SATB1: variants seen among roughly 807,000 people sequenced by gnomAD.
SATB1 encodes the protein SATB homeobox 1, also known as DNA-binding protein SATB1.
SATB1 carries 11 observed loss-of-function variants against 86.9 expected under a neutral mutation model. That is an observed-to-expected ratio of 0.13 (90% CI 0.08 to 0.21). The LOEUF (loss-of-function observed/expected upper bound fraction) is 0.21. Among genes scored for constraint, SATB1 ranks in the 10% least tolerant of loss-of-function variants. The probability of loss-of-function intolerance (pLI) is 1.00; values close to 1 mark genes in which losing one functional copy is unlikely to be tolerated. For missense variants in SATB1, 551 were observed against 937.6 expected, an observed-to-expected ratio of 0.59 and a Z score of 5.39; for synonymous variants, 357 against 357.2, an observed-to-expected ratio of 1.00 and a Z score of 0.01.
chr3:18,394,949 C>A lies in SATB1; in HGVS notation c.752-33G>T. 6.8e-7 allele frequency: 1 copy of A among 1,466,972 alleles called. No individual in the cohort carries two copies. Among genetic ancestry groups the A allele is most frequent in the Admixed American group, 2.1e-5 (1 of 48,346 alleles). The allele number at this position is 1,466,972 out of a possible 1,614,324, so 90.9% of individuals were successfully genotyped here. A position where few individuals can be genotyped will look rare whatever the true frequency, so the allele number is the denominator to read the frequency against. Reference sequence around the variant, plus strand: ...GGACAAAGAGTAAAATCACATTCAGCCAACAATGATTGGCATTGATAAAGA... The same window carrying A: ...GGACAAAGAGTAAAATCACATTCAGACAACAATGATTGGCATTGATAAAGA... On this transcript the variant is annotated intron_variant, in intron 6 of 10. Transcript: ENST00000338745. The surrounding 1 kb of genome is among the most constrained non-coding windows in gnomAD (Gnocchi z 5.9).
Position 18,352,142 on chromosome 3 carries a change from T to C in SATB1, c.1629A>G (p.Arg543=). ...TCATGGAGAGGTTCTCCCACAGGGT[T>C]CTGTTTTCTGGAGAAGGATCTTCTT... The part of the protein sequence containing the change: ...RWKEDPSPEN[R]TLWENLSMIR... Residue 543 remains arginine (R), a synonymous_variant, in exon 10 of 11, where the codon AGA becomes AGG. Transcript: ENST00000338745. The surrounding 1 kb of genome is among the most constrained non-coding windows in gnomAD (Gnocchi z 4.1). 2 of 1,614,212 alleles carry C rather than the reference T, an allele frequency of 1.2e-6. No individual in the cohort carries two copies. Among genetic ancestry groups the C allele is most frequent in the Non-Finnish European group, 1.7e-6 (2 of 1,180,036 alleles).
intron 8 of SATB1, among the ~76,000 whole-genome samples, chr3:18,385,206 T>C (rs1215723707): frequency 6.6e-6 from 1 of 152,248 alleles, no homozygotes; most frequent in Admixed American, 6.5e-5. Context: ...AAAATCGAGA[T>C]ACAATTTCAC....
chr3:18,437,459 G>A (rs1334744374), intron 1 of SATB1, among the ~76,000 whole-genome samples: 1 of 152,098 alleles, frequency 6.6e-6, no homozygotes, highest in Non-Finnish European at 1.5e-5. Flanking sequence ...GCAGCCGCTT[G>A]TATGTTAAGA....
At chr3:18,385,241 C>T (rs9756478) in intron 8 of SATB1, among the ~76,000 whole-genome samples, 93,134 of 152,044 alleles carry the variant, frequency 0.61, 29,100 homozygotes, top group East Asian at 0.93. Context: ...ATGAATATTT[C>T]GACTTTTTCT....
At chr3:18,391,419 GCA>G (rs1696665017) in intron 7 of SATB1, among the ~76,000 whole-genome samples, 1 of 151,334 alleles carries the variant, frequency 6.6e-6, no homozygotes, top group Non-Finnish European at 1.5e-5. Flanking sequence ...GGGTACATGT[GCA>G]CATTGTGCAG....
chr3:18,363,082 T>C (rs776736932), intron 9 of SATB1, among the ~76,000 whole-genome samples: 4 of 152,186 alleles, frequency 2.6e-5, no homozygotes, highest in Non-Finnish European at 4.4e-5. Flanking sequence ...CTACACTCCC[T>C]ATTATGCATA....
At position 18,444,467 on chromosome 3, in the gene SATB1, G is replaced by T. The variant is rs542114584; in HGVS notation, c.-25+1051C>A. Reference sequence around the variant, plus strand: ...AAGACCGTTGAAGCCCTGCGCCCACGAGAGGGGAGCCCAGCCGCCCCAATA... The same window carrying T: ...AAGACCGTTGAAGCCCTGCGCCCACTAGAGGGGAGCCCAGCCGCCCCAATA... On this transcript the variant is annotated intron_variant, in intron 1 of 3. Transcript: ENST00000415069. This position sits in a 1 kb window ranked among gnomAD's most constrained non-coding sequence, Gnocchi z 5.1. 4 of 478,124 alleles carry T rather than the reference G, an allele frequency of 8.4e-6. No individual in the cohort carries two copies. Among genetic ancestry groups the T allele is most frequent in the Middle Eastern group, 1.0e-3 (1 of 996 alleles). The allele number at this position is 478,124 out of a possible 1,614,324, so 29.6% of individuals were successfully genotyped here. A position where few individuals can be genotyped will look rare whatever the true frequency, so the allele number is the denominator to read the frequency against.
At chr3:18,407,574 G>A (rs948288898) in intron 5 of SATB1, among the ~76,000 whole-genome samples, 21 of 151,902 alleles carry the variant, frequency 1.4e-4, no homozygotes, top group Admixed American at 1.1e-3. Flanking sequence ...TAAACAATGC[G>A]AGACATTGGT....
intron 6 of SATB1, among the ~76,000 whole-genome samples, chr3:18,396,894 GC>G (rs1423981485): frequency 2.0e-5 from 3 of 152,080 alleles, no homozygotes; most frequent in Non-Finnish European, 4.4e-5. Context: ...GTTATTCAAG[GC>G]CTGGTTAGGT....
rs750399618 is a variant in SATB1 at position 18,423,673 on chromosome 3, TC to T, written c.-72del. ...ATAAATAACAAAAACAAAGGAGATT[TC>T]CTTTGCAGCCCGGGTTCTTGAAGAG... On this transcript the variant is annotated 5_prime_UTR_variant, in exon 1 of 11. Coordinates refer to ENST00000338745, the MANE Select transcript of SATB1 (RefSeq NM_002971.6). 7 of 151,136 alleles carry T rather than the reference TC, an allele frequency of 4.6e-5. No homozygotes were observed. Among genetic ancestry groups the T allele is most frequent in the Non-Finnish European group, 8.8e-5 (6 of 67,876 alleles). The allele number at this position is 151,136 out of a possible 1,614,324, so 9.4% of individuals were successfully genotyped here. A position where few individuals can be genotyped will look rare whatever the true frequency, so the allele number is the denominator to read the frequency against.
chr3:18,391,886 T>C (rs1575130876), intron 7 of SATB1, among the ~76,000 whole-genome samples: 1 of 152,046 alleles, frequency 6.6e-6, no homozygotes, highest in African/African-American at 2.4e-5. Flanking sequence ...TGTGTATGTA[T>C]GTGTGTGTGG....
At chr3:18,371,689 A>G (rs1279023692) in intron 9 of SATB1, among the ~76,000 whole-genome samples, 2 of 152,110 alleles carry the variant, frequency 1.3e-5, no homozygotes, top group African/African-American at 2.4e-5. Flanking sequence ...TAGCTCATTC[A>G]TTTCACAGGG....
At chr3:18,375,275 T>A (rs950252776) in intron 9 of SATB1, among the ~76,000 whole-genome samples, 1 of 152,194 alleles carries the variant, frequency 6.6e-6, no homozygotes, top group African/African-American at 2.4e-5. Flanking sequence ...CTACATTTAT[T>A]ATTTAAGAAA....
chr3:18,413,195 G>A (rs919237491), intron 5 of SATB1, among the ~76,000 whole-genome samples: 2 of 152,006 alleles, frequency 1.3e-5, no homozygotes, highest in Non-Finnish European at 2.9e-5. Flanking sequence ...TCTACTTAAT[G>A]TTATAATTGT....
At chr3:18,388,683 T>C (rs1696472302) in intron 7 of SATB1, among the ~76,000 whole-genome samples, 1 of 152,130 alleles carries the variant, frequency 6.6e-6, no homozygotes. Flanking sequence ...TAGTAGTTAT[T>C]AGCACTCATG....
At chr3:18,417,734 G>A (rs1268040669) in intron 2 of SATB1, 2 of 690,482 alleles carry the variant, frequency 2.9e-6, no homozygotes, top group Non-Finnish European at 2.6e-6. Flanking sequence ...TTGCTTTTAT[G>A]AATACTCATT....
At position 18,424,329 on chromosome 3, in the gene SATB1, C is replaced by CA. The variant is rs1698550095; in HGVS notation, c.-728_-727insT. 6.6e-6 allele frequency: 1 copy of CA among 151,728 alleles called. No homozygotes were observed. Among genetic ancestry groups the CA allele is most frequent in the Non-Finnish European group, 1.5e-5 (1 of 68,002 alleles). 9.4% of individuals were successfully genotyped at this position (151,728 alleles called of 1,614,324 possible). A position where few individuals can be genotyped will look rare whatever the true frequency, so the allele number is the denominator to read the frequency against. Reference sequence around the variant, plus strand: ...CTCCCTTCCAATCACCCCCACCCCCCTCGCCAACAATCGCGACTAATATTA... The same window carrying CA: ...CTCCCTTCCAATCACCCCCACCCCCCATCGCCAACAATCGCGACTAATATTA... On this transcript the variant is annotated 5_prime_UTR_variant, in exon 1 of 11. It adds an upstream start codon to the 5' untranslated region. Transcript: ENST00000338745.
intron 4 of SATB1, 35 bp from the exon 5 acceptor site, chr3:18,415,269 C>T (rs1698051457): frequency 1.2e-6 from 2 of 1,610,996 alleles, no homozygotes; most frequent in Non-Finnish European, 1.7e-6. Context: ...GGGATTATTA[C>T]AAGATTGCAT....
upstream of SATB1, among the ~76,000 whole-genome samples, chr3:18,430,126 A>C (rs566543485): frequency 1.5e-3 from 229 of 152,218 alleles, 1 homozygote; most frequent in African/African-American, 5.3e-3. Flanking sequence ...TGTGACTAAT[A>C]CTCTAATAGC....
Sources: allele counts gnomAD v4.1 joint callset (sites outside exome capture counted in the v4.1 genomes callset), GRCh38; gene constraint gnomAD v4.1.1; non-coding constraint Gnocchi (gnomAD v3.1); transcripts MANE v1.5; gene names NCBI Gene and HGNC (gene_info 2026-07-23, HGNC 2026-07-21).